Variants in CTIF observed in about 807,000 individuals in gnomAD.
CTIF encodes the protein cap binding complex dependent translation initiation factor, also known as CBP80/20-dependent translation initiation factor.
A neutral mutation model predicts 66.0 loss-of-function variants in CTIF; 21 were observed. The ratio of observed to expected loss-of-function variants is 0.32; its 90% CI spans 0.23 to 0.46. The LOEUF (loss-of-function observed/expected upper bound fraction) is 0.46, where lower values mean the gene tolerates loss of function less well. CTIF is among the 20% of genes least tolerant of loss of function. CTIF has a pLI of 1.00. For missense variants in CTIF, 739 were observed against 812.7 expected (o/e 0.91, Z 1.10); for synonymous variants, 345 against 326.4 (o/e 1.06, Z -0.62).
At chr18:48,580,431 C>T (rs891324845) in intron 1 of CTIF, among the ~76,000 whole-genome samples, 2 of 152,266 alleles carry the variant, frequency 1.3e-5, no homozygotes, top group African/African-American at 2.4e-5. Flanking sequence ...AAGGTGGAGG[C>T]TGGGGAAACA....
intron 7 of CTIF, among the ~76,000 whole-genome samples, chr18:48,737,321 G>A (rs968204526): frequency 3.3e-5 from 5 of 152,202 alleles, no homozygotes; most frequent in African/African-American, 1.2e-4. Context: ...CTCCTGCCCT[G>A]GTGCTGCTCC....
chr18:48,743,049 G>A (rs1568181722), intron 7 of CTIF, among the ~76,000 whole-genome samples: 3 of 152,198 alleles, frequency 2.0e-5, no homozygotes, highest in Admixed American at 6.5e-5. Flanking sequence ...GTTGGTTAAA[G>A]GCAGGAAGCA....
At chr18:48,760,159 T>C (rs988197792) in intron 8 of CTIF, 7 of 152,280 alleles carry the variant, frequency 4.6e-5, no homozygotes, top group African/African-American at 1.7e-4. Flanking sequence ...GGCCACCCTA[T>C]TCCTTCACCC....
chr18:48,691,180 T>A (rs759656046), intron 6 of CTIF, among the ~76,000 whole-genome samples: 1 of 152,234 alleles, frequency 6.6e-6, no homozygotes, highest in Non-Finnish European at 1.5e-5. Context: ...CCGGCATTGT[T>A]TCAGTCCACT....
chr18:48,646,283 T>C (rs995724441), intron 3 of CTIF, among the ~76,000 whole-genome samples: 4 of 152,192 alleles, frequency 2.6e-5, no homozygotes, highest in Admixed American at 2.6e-4. Context: ...CGTTTTTCCC[T>C]GAAGGTGATG....
chr18:48,775,549 G>A (rs371731031), intron 9 of CTIF, among the ~76,000 whole-genome samples: 25 of 152,360 alleles, frequency 1.6e-4, no homozygotes, highest in African/African-American at 5.8e-4. Context: ...GGGGCCCTGG[G>A]ACTGGCCTGG....
chr18:48,624,633 G>A (rs1324710983), intron 2 of CTIF, among the ~76,000 whole-genome samples: 3 of 152,154 alleles, frequency 2.0e-5, no homozygotes, highest in Admixed American at 6.5e-5. Flanking sequence ...AGGGAGCTGT[G>A]AGAAATACTG....
rs1598993453 is a variant in CTIF at position 48,761,281 on chromosome 18, T to C, written c.1072-109T>C. ...GGACCAGCCCTCAGATCCAGGGAAGTAGGCCTGGTCCTGCTTTCTGGGGGT... is the reference window on the plus strand; with the variant it reads ...GGACCAGCCCTCAGATCCAGGGAAGCAGGCCTGGTCCTGCTTTCTGGGGGT... On this transcript the variant is annotated intron_variant, in intron 8 of 11. Coordinates refer to ENST00000256413, the MANE Select transcript of CTIF (RefSeq NM_014772.3). The surrounding 1 kb of genome is among the most constrained non-coding windows in gnomAD (Gnocchi z 4.2). 6.9e-6 allele frequency: 7 copies of C among 1,011,546 alleles called. No individual in the cohort carries two copies. The East Asian group carries it at 1.5e-4, about 22-fold the overall frequency. The allele number at this position is 1,011,546 out of a possible 1,614,324, so 62.7% of individuals were successfully genotyped here.
chr18:48,541,173 C>T (rs1289952787), intron 1 of CTIF, among the ~76,000 whole-genome samples: 2 of 152,136 alleles, frequency 1.3e-5, no homozygotes, highest in Non-Finnish European at 1.5e-5. Context: ...CCAACCGCAG[C>T]CCCGGCTCTT....
chr18:48,750,874 C>A (rs1007542956), intron 7 of CTIF, among the ~76,000 whole-genome samples: 1 of 152,222 alleles, frequency 6.6e-6, no homozygotes, highest in Non-Finnish European at 1.5e-5. Context: ...CAATGGTGTG[C>A]AAGCTGCCCT....
intron 1 of CTIF, among the ~76,000 whole-genome samples, chr18:48,543,105 C>G (rs1473051590): frequency 6.6e-6 from 1 of 152,184 alleles, no homozygotes; most frequent in Non-Finnish European, 1.5e-5. Context: ...ACCGTCTGGT[C>G]CCAGATATTG....
rs146134096 is a variant in CTIF, at chr18:48,596,185, C to A, written c.-28-23353C>A. Among the ~76,000 whole-genome samples the A allele has an allele frequency of 1.6e-3, 239 of 152,294 alleles. 1 individual carries two copies. The highest frequency in any genetic ancestry group is 5.2e-3 in the African/African-American group (217 of 41,564). ...ACCACGGTGACATAGAACAGAAAAT[C>A]CAAAGAACAGAGGTTTAAACAACAT... On this transcript the variant is annotated intron_variant, in intron 1 of 11. Transcript: ENST00000256413.
At chr18:48,808,235 T>A (rs983871462) in intron 9 of CTIF, among the ~76,000 whole-genome samples, 1 of 152,232 alleles carries the variant, frequency 6.6e-6, no homozygotes, top group African/African-American at 2.4e-5. Flanking sequence ...ATTAAGTTGT[T>A]TTCATATATG....
At chr18:48,644,916 C>G (rs2090998652) in intron 3 of CTIF, among the ~76,000 whole-genome samples, 1 of 152,284 alleles carries the variant, frequency 6.6e-6, no homozygotes, top group Middle Eastern at 3.4e-3. Flanking sequence ...ACTATTGGAT[C>G]CAAACTTACT....
intron 9 of CTIF, among the ~76,000 whole-genome samples, chr18:48,809,688 C>T (rs1162693908): frequency 6.6e-6 from 1 of 151,860 alleles, no homozygotes; most frequent in Non-Finnish European, 1.5e-5. Flanking sequence ...TAGAGATTTC[C>T]TTATAAAGGT....
chr18:48,749,702 G>T (rs570812294), intron 7 of CTIF, among the ~76,000 whole-genome samples: 1 of 152,370 alleles, frequency 6.6e-6, no homozygotes, highest in South Asian at 2.1e-4. Context: ...TATAGGGGAA[G>T]AAGCTAAGGC....
At chr18:48,816,510 A>G (rs2068366432) in intron 9 of CTIF, among the ~76,000 whole-genome samples, 2 of 152,158 alleles carry the variant, frequency 1.3e-5, no homozygotes, top group African/African-American at 4.8e-5. Flanking sequence ...CCCCATCCCC[A>G]AAACCTTCCC....
intron 1 of CTIF, among the ~76,000 whole-genome samples, chr18:48,550,553 A>G (rs888640543): frequency 5.3e-5 from 8 of 152,170 alleles, no homozygotes; most frequent in Non-Finnish European, 1.2e-4. Flanking sequence ...TGACCATGCA[A>G]GCTAAGAGAC....
chr18:48,682,456 G>A (rs1444796404), intron 6 of CTIF, among the ~76,000 whole-genome samples: 1 of 152,170 alleles, frequency 6.6e-6, no homozygotes, highest in Non-Finnish European at 1.5e-5. Context: ...TGGGAGAGGG[G>A]CCCAGTGGTC....
Sources: allele counts gnomAD v4.1 joint callset (sites outside exome capture counted in the v4.1 genomes callset), GRCh38; gene constraint gnomAD v4.1.1; non-coding constraint Gnocchi (gnomAD v3.1); transcripts MANE v1.5; gene names NCBI Gene and HGNC (gene_info 2026-07-23, HGNC 2026-07-21).